The following CNBD1 variants were observed in gnomAD, a reference collection of about 807,000 sequenced individuals.
CNBD1 encodes the protein cyclic nucleotide binding domain containing 1, also known as cyclic nucleotide-binding domain-containing protein 1.
A neutral mutation model predicts 54.4 loss-of-function variants in CNBD1; 71 were observed. That is an observed-to-expected ratio of 1.30 (90% confidence interval 1.08 to 1.59). The LOEUF (loss-of-function observed/expected upper bound fraction) is 1.59, where lower values mean the gene tolerates loss of function less well. Among genes scored for constraint, CNBD1 ranks in the 40% most tolerant of loss-of-function variants. CNBD1 has a pLI of 0.00. For missense variants in CNBD1, 659 were observed against 518.0 expected, an observed-to-expected ratio of 1.27 and a Z score of -2.64; for synonymous variants, 182 against 170.7, an observed-to-expected ratio of 1.07 and a Z score of -0.51.
intron 4 of CNBD1, among the ~76,000 whole-genome samples, chr8:87,140,657 T>C (rs1812352949): frequency 6.6e-6 from 1 of 152,174 alleles, no homozygotes; most frequent in African/African-American, 2.4e-5. Context: ...CATTGTGTTA[T>C]AAATTTTTTA....
At chr8:87,121,154 T>C (rs1448834035) in intron 4 of CNBD1, among the ~76,000 whole-genome samples, 1 of 151,792 alleles carries the variant, frequency 6.6e-6, no homozygotes, top group East Asian at 1.9e-4. Flanking sequence ...ATTTAACCAG[T>C]TGTAAAAGGC....
At chr8:87,361,356 C>T (rs1041910140) in intron 10 of CNBD1, among the ~76,000 whole-genome samples, 3 of 151,356 alleles carry the variant, frequency 2.0e-5, no homozygotes, top group Non-Finnish European at 4.4e-5. Context: ...GATAAATGAG[C>T]TCTTAGAAAT....
chr8:87,286,362 A>G (rs1808697995), intron 7 of CNBD1, among the ~76,000 whole-genome samples, 177 bp from the exon 8 acceptor site: 1 of 152,146 alleles, frequency 6.6e-6, no homozygotes, highest in Non-Finnish European at 1.5e-5. Context: ...CTGAAGATTA[A>G]CATTTTAATA....
At chr8:86,920,128 A>G (rs938285553) in intron 3 of CNBD1, among the ~76,000 whole-genome samples, 1 of 152,188 alleles carries the variant, frequency 6.6e-6, no homozygotes, top group African/African-American at 2.4e-5. Flanking sequence ...AATGAGATAA[A>G]CTACAAAGCT....
At chr8:86,912,512 AC>A (rs1809115649) in intron 3 of CNBD1, among the ~76,000 whole-genome samples, 1 of 152,192 alleles carries the variant, frequency 6.6e-6, no homozygotes. Context: ...GTAATGTCAT[AC>A]TTTAACATAT....
intron 8 of CNBD1, among the ~76,000 whole-genome samples, chr8:87,315,522 G>A (rs1235787337): frequency 3.3e-5 from 5 of 151,860 alleles, no homozygotes; most frequent in Admixed American, 3.3e-4. Flanking sequence ...CATGGTGAGA[G>A]ACAAAGCAAA....
chr8:87,277,936 C>CAAT, intron 6 of CNBD1, among the ~76,000 whole-genome samples: 1 of 151,106 alleles, frequency 6.6e-6, no homozygotes, highest in East Asian at 1.9e-4. Flanking sequence ...TATTAGTTCA[C>CAAT]AATAATAATA....
chr8:87,267,932 C>T (rs775263095), intron 6 of CNBD1, among the ~76,000 whole-genome samples: 23 of 151,954 alleles, frequency 1.5e-4, no homozygotes, highest in Non-Finnish European at 2.8e-4. Flanking sequence ...ATTTAGTCTG[C>T]TAGTATTTTT....
chr8:87,315,342 A>C (rs1809361987), intron 8 of CNBD1, among the ~76,000 whole-genome samples: 1 of 152,036 alleles, frequency 6.6e-6, no homozygotes, highest in African/African-American at 2.4e-5. Context: ...TGTGTTGCTA[A>C]AAAGGAATAC....
At chr8:87,103,023 G>A (rs759812544) in intron 4 of CNBD1, among the ~76,000 whole-genome samples, 5 of 152,146 alleles carry the variant, frequency 3.3e-5, no homozygotes, top group South Asian at 2.1e-4. Context: ...AGGTGGTAGC[G>A]TTTACTAAGA....
At chr8:87,370,301 A>C (rs188368245) in intron 10 of CNBD1, among the ~76,000 whole-genome samples, 1 of 152,282 alleles carries the variant, frequency 6.6e-6, no homozygotes, top group African/African-American at 2.4e-5. Flanking sequence ...AGGAATCGCC[A>C]CACTGACTTC....
At chr8:87,393,900 G>T (rs1361880033) in intron 2 of CNBD1, among the ~76,000 whole-genome samples, 1 of 151,586 alleles carries the variant, frequency 6.6e-6, no homozygotes, top group East Asian at 1.9e-4. Flanking sequence ...ATTACACATT[G>T]GCTATTTAGA....
chr8:87,054,850 G>A (rs1038506374), intron 4 of CNBD1, among the ~76,000 whole-genome samples: 6 of 152,184 alleles, frequency 3.9e-5, no homozygotes, highest in African/African-American at 1.2e-4. Flanking sequence ...CAACAACCAA[G>A]GGTGAGCAGG....
intron 4 of CNBD1, among the ~76,000 whole-genome samples, chr8:87,154,795 A>G (rs908710939): frequency 1.3e-5 from 2 of 152,174 alleles, no homozygotes; most frequent in African/African-American, 2.4e-5. Context: ...AGAAGGTCAG[A>G]TCATGAAGAC....
chr8:87,034,533 T>C (rs1175594809), intron 4 of CNBD1, among the ~76,000 whole-genome samples: 1 of 152,224 alleles, frequency 6.6e-6, no homozygotes, highest in Non-Finnish European at 1.5e-5. Context: ...TTTGTATTTA[T>C]TTACATGTCT....
intron 10 of CNBD1, among the ~76,000 whole-genome samples, chr8:87,375,987 A>G (rs1810922418): frequency 6.6e-6 from 1 of 151,926 alleles, no homozygotes; most frequent in African/African-American, 2.4e-5. Flanking sequence ...ATGGGCTAAT[A>G]TTTAATTATG....
At chr8:87,326,499 A>G (rs1420470879) in intron 8 of CNBD1, among the ~76,000 whole-genome samples, 1 of 120,072 alleles carries the variant, frequency 8.3e-6, no homozygotes, top group Non-Finnish European at 1.9e-5. Flanking sequence ...GGCTTTGCTC[A>G]TTTCTTTTTA....
At chr8:87,019,675 C>G (rs1183919137) in intron 4 of CNBD1, among the ~76,000 whole-genome samples, 1 of 151,964 alleles carries the variant, frequency 6.6e-6, no homozygotes, top group Non-Finnish European at 1.5e-5. Flanking sequence ...GTCGGGAGTT[C>G]GAGACCAGCC....
intron 4 of CNBD1, among the ~76,000 whole-genome samples, chr8:87,042,714 T>C (rs1442599099): frequency 6.6e-6 from 1 of 152,090 alleles, no homozygotes; most frequent in Non-Finnish European, 1.5e-5. Flanking sequence ...AGTAGATAAT[T>C]GGTTATATGT....
Sources: allele counts gnomAD v4.1 joint callset (sites outside exome capture counted in the v4.1 genomes callset), GRCh38; gene constraint gnomAD v4.1.1; transcripts MANE v1.5; gene names NCBI Gene and HGNC (gene_info 2026-07-23, HGNC 2026-07-21).